The following PLXNA2 variants were observed in gnomAD, a reference collection of about 807,000 sequenced individuals.
The protein encoded by PLXNA2 is plexin A2.
PLXNA2 carries 91 observed loss-of-function variants against 193.5 expected under a neutral mutation model. The ratio of observed to expected loss-of-function variants is 0.47; its 90% CI spans 0.40 to 0.56. PLXNA2 has a LOEUF of 0.56. Among genes scored for constraint, PLXNA2 ranks in the 20% least tolerant of loss-of-function variants. PLXNA2 has a pLI of 0.00. For synonymous variants in PLXNA2, 997 were observed against 1,027.3 expected, an observed-to-expected ratio of 0.97 and a Z score of 0.56; for missense variants, 1,995 against 2,503.2, an observed-to-expected ratio of 0.80 and a Z score of 4.33.
intron 1 of PLXNA2, among the ~76,000 whole-genome samples, chr1:208,240,066 G>C (rs1157706514): frequency 6.6e-6 from 1 of 152,236 alleles, no homozygotes; most frequent in East Asian, 1.9e-4. Context: ...TGTAGAAGCA[G>C]AGAACTTTTG....
At chr1:208,139,497 C>T (rs866799223) in intron 4 of PLXNA2, among the ~76,000 whole-genome samples, 18 of 152,190 alleles carry the variant, frequency 1.2e-4, no homozygotes, top group Middle Eastern at 3.2e-3. Flanking sequence ...TTTATTGTCT[C>T]AGCTGAGCCT....
At chr1:208,056,861 C>A (rs931600124) in intron 13 of PLXNA2, among the ~76,000 whole-genome samples, 37 of 152,122 alleles carry the variant, frequency 2.4e-4, no homozygotes, top group African/African-American at 8.9e-4. Context: ...AGGGTCTGGG[C>A]AGGAAGATCT....
At chr1:208,075,602 AC>A (rs1267204977) in intron 12 of PLXNA2, among the ~76,000 whole-genome samples, 1 of 152,202 alleles carries the variant, frequency 6.6e-6, no homozygotes, top group Non-Finnish European at 1.5e-5. Flanking sequence ...TTCTCATCAT[AC>A]TTTCATCTAC....
chr1:208,089,664 G>A (rs921346493), intron 9 of PLXNA2, among the ~76,000 whole-genome samples: 1 of 152,130 alleles, frequency 6.6e-6, no homozygotes, highest in Non-Finnish European at 1.5e-5. Context: ...TTATAAATGT[G>A]TGATATATTA....
chr1:208,049,361 TACCTCACCCTAG>T (rs1665180571), intron 17 of PLXNA2, among the ~76,000 whole-genome samples: 1 of 151,042 alleles, frequency 6.6e-6, no homozygotes, highest in Non-Finnish European at 1.5e-5. Context: ...CTTGTTCCCA[TACCTCACCCTAG>T]ACTCTGGAGT....
chr1:208,034,788 A>G (rs1299513693), intron 26 of PLXNA2, among the ~76,000 whole-genome samples, 196 bp from the exon 27 acceptor site: 1 of 152,234 alleles, frequency 6.6e-6, no homozygotes, highest in Non-Finnish European at 1.5e-5. Context: ...TCAAATAGCT[A>G]CTTGCCATGT....
Position 208,096,712 on chromosome 1 carries a change from A to G in PLXNA2, c.1885+18T>C, listed in dbSNP as rs1666904662. On this transcript the variant is annotated intron_variant, in intron 7 of 31. Transcript: ENST00000367033. The stretch of plus-strand genomic sequence containing the variant: ...GAGAAGCCCCTCATTTGTGGCTCTC[A>G]TGGCAGATATTTCTTACCTTGATCC... 8.1e-6 allele frequency: 13 copies of G among 1,613,624 alleles called. No individual in the cohort carries two copies. The highest frequency in any genetic ancestry group is 1.1e-5 in the Non-Finnish European group (13 of 1,179,774).
chr1:208,137,115 T>A (rs1433088318), intron 4 of PLXNA2, among the ~76,000 whole-genome samples: 1 of 152,170 alleles, frequency 6.6e-6, no homozygotes, highest in Non-Finnish European at 1.5e-5. Context: ...TCTCCAGGCC[T>A]TGAAGTAGAG....
intron 9 of PLXNA2, among the ~76,000 whole-genome samples, chr1:208,088,842 T>C (rs1001222617): frequency 9.2e-5 from 14 of 152,214 alleles, no homozygotes; most frequent in Non-Finnish European, 2.1e-4. Flanking sequence ...TTGTGGTGTG[T>C]GTGCGTGTGA....
intron 1 of PLXNA2, among the ~76,000 whole-genome samples, chr1:208,219,364 T>C (rs1033224361): frequency 2.0e-5 from 3 of 152,168 alleles, no homozygotes; most frequent in Non-Finnish European, 4.4e-5. Context: ...GGTACTGTCC[T>C]GACTTATGGA....
chr1:208,227,907 A>G (rs531250522), intron 1 of PLXNA2, among the ~76,000 whole-genome samples: 2 of 152,366 alleles, frequency 1.3e-5, no homozygotes, highest in East Asian at 3.9e-4. Context: ...GTTACTCCAT[A>G]TAATGGCATA....
chr1:208,200,404 G>A (rs1193915388), intron 3 of PLXNA2, among the ~76,000 whole-genome samples: 1 of 152,034 alleles, frequency 6.6e-6, no homozygotes, highest in Non-Finnish European at 1.5e-5. Context: ...ATCATCTTGG[G>A]CTACACAAGT....
chr1:208,027,155 TGATCCCC>T lies in PLXNA2; in HGVS notation c.*81_*87del. The stretch of plus-strand genomic sequence containing the variant: ...TCAGGGGACAGCAAGCTCTGGGGCC[TGATCCCC>T]ATCACTTGTCCTTCCATCTGAGACT... On this transcript the variant is annotated 3_prime_UTR_variant, in exon 32 of 32. Transcript: ENST00000367033. 1 of 1,195,706 alleles carries T rather than the reference TGATCCCC, an allele frequency of 8.4e-7. No homozygotes were observed. Among genetic ancestry groups the T allele is most frequent in the Non-Finnish European group, 1.2e-6 (1 of 815,120 alleles). 74.1% of individuals were successfully genotyped at this position (1,195,706 alleles called of 1,614,324 possible). A position where few individuals can be genotyped will look rare whatever the true frequency, so the allele number is the denominator to read the frequency against.
intron 15 of PLXNA2, 145 bp downstream of exon 15, chr1:208,052,182 A>T: frequency 1.4e-6 from 1 of 721,074 alleles, no homozygotes; most frequent in South Asian, 1.8e-5. Flanking sequence ...TATTTCTCAC[A>T]GTGACCGGTA....
At chr1:208,098,667 G>C (rs1229509735) in intron 6 of PLXNA2, among the ~76,000 whole-genome samples, 179 bp downstream of exon 6, 4 of 152,176 alleles carry the variant, frequency 2.6e-5, no homozygotes, top group Admixed American at 2.6e-4. Flanking sequence ...AGGGAAACTG[G>C]AGAATGACTA....
intron 4 of PLXNA2, among the ~76,000 whole-genome samples, chr1:208,126,872 G>C (rs1367482393): frequency 1.3e-5 from 2 of 152,136 alleles, no homozygotes; most frequent in Admixed American, 6.5e-5. Flanking sequence ...CTCCTGAAAG[G>C]AAGCACACAA....
intron 1 of PLXNA2, among the ~76,000 whole-genome samples, chr1:208,226,562 C>T (rs1290898733): frequency 2.0e-5 from 3 of 152,148 alleles, no homozygotes; most frequent in Non-Finnish European, 4.4e-5. Flanking sequence ...ACTGGCTGAG[C>T]TGGCTTTGCA....
At chr1:208,196,502 G>C (rs181594128) in intron 3 of PLXNA2, among the ~76,000 whole-genome samples, 180 of 152,316 alleles carry the variant, frequency 1.2e-3, no homozygotes, top group Non-Finnish European at 1.9e-3. Flanking sequence ...CTGTGTTCAA[G>C]TAGCCTTGGT....
At chr1:208,177,031 C>T (rs1032153147) in intron 3 of PLXNA2, among the ~76,000 whole-genome samples, 1 of 152,138 alleles carries the variant, frequency 6.6e-6, no homozygotes, top group African/African-American at 2.4e-5. Flanking sequence ...CATTACAAAC[C>T]AAGCTCCATG....
Sources: allele counts gnomAD v4.1 joint callset (sites outside exome capture counted in the v4.1 genomes callset), GRCh38; gene constraint gnomAD v4.1.1; transcripts MANE v1.5; gene names NCBI Gene and HGNC (gene_info 2026-07-23, HGNC 2026-07-21).